The following BCHE variants were observed in gnomAD, a reference collection of about 807,000 sequenced individuals.
The protein encoded by BCHE is butyrylcholinesterase.
In BCHE, 48 loss-of-function variants were observed where a neutral mutation model predicts 51.3. The ratio of observed to expected loss-of-function variants is 0.94; its 90% CI spans 0.74 to 1.19. The LOEUF is 1.19. BCHE is among the 50% of genes most tolerant of loss of function. BCHE has a pLI of 0.00. For missense variants in BCHE, 847 were observed against 708.2 expected, an observed-to-expected ratio of 1.20 and a Z score of -2.23; for synonymous variants, 251 against 238.0, an observed-to-expected ratio of 1.05 and a Z score of -0.50.
chr3:165,832,446 C>T (rs1715025116), intron 1 of BCHE, among the ~76,000 whole-genome samples: 1 of 151,970 alleles, frequency 6.6e-6, no homozygotes, highest in African/African-American at 2.4e-5. Context: ...GTGTATGGCA[C>T]CACACCCAGG....
intron 3 of BCHE, among the ~76,000 whole-genome samples, chr3:165,781,409 A>C (rs1315998338): frequency 1.3e-5 from 2 of 152,212 alleles, no homozygotes; most frequent in African/African-American, 2.4e-5. Context: ...GTCATAAAAA[A>C]GTATGAGATA....
intron 2 of BCHE, among the ~76,000 whole-genome samples, chr3:165,802,922 T>C (rs910638770): frequency 6.6e-6 from 1 of 152,052 alleles, no homozygotes; most frequent in African/African-American, 2.4e-5. Context: ...TTCGTATTTT[T>C]AGTAGAGCCG....
chr3:165,828,610 G>C (rs1226651964), intron 2 of BCHE, among the ~76,000 whole-genome samples: 1 of 151,832 alleles, frequency 6.6e-6, no homozygotes, highest in Non-Finnish European at 1.5e-5. Context: ...ATCAACTTAT[G>C]ATTTATGTAA....
intron 2 of BCHE, among the ~76,000 whole-genome samples, chr3:165,821,645 T>C (rs1051964025): frequency 6.6e-6 from 1 of 151,980 alleles, no homozygotes; most frequent in Admixed American, 6.6e-5. Flanking sequence ...TATGGCCATC[T>C]GTATGGCCAC....
intron 2 of BCHE, among the ~76,000 whole-genome samples, chr3:165,822,852 T>G (rs553065087): frequency 1.2e-4 from 19 of 152,246 alleles, no homozygotes; most frequent in African/African-American, 4.3e-4. Context: ...TTTCACCAAT[T>G]TTCTGTACCA....
At chr3:165,831,786 A>G (rs1316427143) in intron 1 of BCHE, among the ~76,000 whole-genome samples, 1 of 152,202 alleles carries the variant, frequency 6.6e-6, no homozygotes, top group Non-Finnish European at 1.5e-5. Context: ...AATTTCTCCA[A>G]AATTTAATAA....
At chr3:165,835,546 T>A (rs4680665) in intron 1 of BCHE, among the ~76,000 whole-genome samples, 4 of 151,628 alleles carry the variant, frequency 2.6e-5, no homozygotes, top group South Asian at 2.1e-4. Context: ...TAGAACAAGC[T>A]CTCTTAAATG....
chr3:165,809,592 A>G (rs1250955262), intron 2 of BCHE, among the ~76,000 whole-genome samples: 1 of 152,134 alleles, frequency 6.6e-6, no homozygotes, highest in Non-Finnish European at 1.5e-5. Flanking sequence ...GATCCATTGC[A>G]CAAATTTATC....
At chr3:165,788,301 G>A (rs1327010370) in intron 2 of BCHE, among the ~76,000 whole-genome samples, 4 of 151,996 alleles carry the variant, frequency 2.6e-5, no homozygotes, top group Non-Finnish European at 4.4e-5. Context: ...GAATTCAGGA[G>A]CTTTAGAGAC....
At chr3:165,820,598 A>G (rs1375323841) in intron 2 of BCHE, among the ~76,000 whole-genome samples, 2 of 152,060 alleles carry the variant, frequency 1.3e-5, no homozygotes, top group African/African-American at 4.8e-5. Context: ...GTTAATTATG[A>G]TAATATACCA....
chr3:165,832,361 C>T (rs911368487), intron 1 of BCHE, among the ~76,000 whole-genome samples: 4 of 151,318 alleles, frequency 2.6e-5, no homozygotes, highest in Non-Finnish European at 5.9e-5. Flanking sequence ...GGTGTGATCT[C>T]GGCTCACTGC....
At chr3:165,828,182 G>A in intron 2 of BCHE, 1 of 414,730 alleles carries the variant, frequency 2.4e-6, no homozygotes, top group Non-Finnish European at 4.8e-6. Flanking sequence ...GAGATGTGTA[G>A]TAGATTAAGA....
At chr3:165,789,633 T>C (rs115792872) in intron 2 of BCHE, among the ~76,000 whole-genome samples, 8,065 of 152,234 alleles carry the variant, frequency 0.053, 286 homozygotes, top group Non-Finnish European at 0.079. Context: ...AATGAAGCTA[T>C]AGTTAATAGT....
intron 1 of BCHE, among the ~76,000 whole-genome samples, chr3:165,836,033 G>T (rs1295001755): frequency 6.6e-6 from 1 of 151,862 alleles, no homozygotes; most frequent in Non-Finnish European, 1.5e-5. Flanking sequence ...TTATAGATAA[G>T]ATGTGACTTG....
chr3:165,837,207 C>T, intron 1 of BCHE, 107 bp downstream of exon 1: 2 of 663,350 alleles, frequency 3.0e-6, no homozygotes, highest in Non-Finnish European at 4.6e-6. Flanking sequence ...CCCCACAGAG[C>T]ACCAAAGGGA....
intron 2 of BCHE, among the ~76,000 whole-genome samples, chr3:165,827,341 A>G (rs1469203863): frequency 6.6e-6 from 1 of 151,976 alleles, no homozygotes. Context: ...TTAACTCTTT[A>G]TAGCTTATGA....
At chr3:165,807,246 T>C (rs2108218610) in intron 2 of BCHE, among the ~76,000 whole-genome samples, 1 of 152,056 alleles carries the variant, frequency 6.6e-6, no homozygotes, top group Non-Finnish European at 1.5e-5. Context: ...ATTATAATGT[T>C]TGTCTACCTT....
chr3:165,797,129 CTTCCT>C (rs1713413026), intron 2 of BCHE, among the ~76,000 whole-genome samples: 1 of 143,768 alleles, frequency 7.0e-6, no homozygotes, highest in African/African-American at 2.6e-5. Flanking sequence ...CTTTCCCTCC[CTTCCT>C]TCCTTCCCTC....
chr3:165,812,181 GC>G (rs984811250), intron 2 of BCHE, among the ~76,000 whole-genome samples: 3 of 151,644 alleles, frequency 2.0e-5, no homozygotes, highest in Non-Finnish European at 2.9e-5. Flanking sequence ...TTTATCAGTA[GC>G]TGAACAGTTT....
Sources: gnomAD v4.1 joint callset for allele counts (sites outside exome capture counted in the v4.1 genomes callset) on GRCh38, gnomAD v4.1.1 for gene constraint, MANE v1.5 for transcripts, NCBI Gene and HGNC (gene_info 2026-07-23, HGNC 2026-07-21) for gene names.